SH3KBP1: variants seen among roughly 807,000 people sequenced by gnomAD.
SH3KBP1 encodes SH3 domain-containing kinase-binding protein 1.
Under a neutral mutation model 50.1 loss-of-function variants are expected in SH3KBP1, and 8 were observed. The observed-to-expected ratio is 0.16, with a 90% CI of 0.09 to 0.29. The LOEUF (loss-of-function observed/expected upper bound fraction) is 0.29, where lower values mean the gene tolerates loss of function less well. SH3KBP1 is among the 10% of genes least tolerant of loss of function. SH3KBP1 has a pLI of 1.00. For synonymous variants in SH3KBP1, 227 were observed against 218.6 expected (o/e 1.04, Z -0.34); for missense variants, 377 against 535.2 (o/e 0.70, Z 2.92).
intron 3 of SH3KBP1, among the ~76,000 whole-genome samples, chrX:19,740,299 G>A (rs893446768): frequency 1.8e-5 from 2 of 112,064 alleles, no homozygotes; most frequent in Admixed American, 1.9e-4. Context: ...CAGAGCTTTT[G>A]AGAATGAAGG....
chrX:19,850,039 A>G (rs1323252117), intron 1 of SH3KBP1, among the ~76,000 whole-genome samples: 1 of 112,155 alleles, frequency 8.9e-6, no homozygotes, highest in Non-Finnish European at 1.9e-5. Flanking sequence ...CTATTTCACA[A>G]ATGATTCAGC....
chrX:19,876,096 C>A (rs759817391), intron 1 of SH3KBP1, among the ~76,000 whole-genome samples: 1 of 112,382 alleles, frequency 8.9e-6, no homozygotes, highest in African/African-American at 3.2e-5. Flanking sequence ...TGGTGGCTCA[C>A]GCCTGTAATC....
chrX:19,602,025 TC>T (rs934593270), intron 9 of SH3KBP1, among the ~76,000 whole-genome samples: 1 of 110,749 alleles, frequency 9.0e-6, no homozygotes, highest in African/African-American at 3.3e-5. Context: ...ATTTGGTTTC[TC>T]CCTAAGATGC....
chrX:19,583,469 T>A (rs1036359157), intron 12 of SH3KBP1, among the ~76,000 whole-genome samples: 2 of 111,636 alleles, frequency 1.8e-5, no homozygotes, highest in African/African-American at 6.5e-5. Context: ...ATTGAATTTT[T>A]AAATCAATGC....
intron 7 of SH3KBP1, 64 bp downstream of exon 7, chrX:19,645,335 CA>C: frequency 1.1e-6 from 1 of 894,503 alleles, no homozygotes; most frequent in Non-Finnish European, 1.6e-6. Flanking sequence ...TTCTAAAAAA[CA>C]TTTCTGTTAT....
At chrX:19,679,149 C>A (rs1371524423) in intron 6 of SH3KBP1, among the ~76,000 whole-genome samples, 2 of 111,667 alleles carry the variant, frequency 1.8e-5, no homozygotes, top group Non-Finnish European at 3.8e-5. Context: ...AACAACTTAC[C>A]ACTTCCTGCC....
chrX:19,589,302 G>A (rs2066667786), intron 11 of SH3KBP1, among the ~76,000 whole-genome samples: 1 of 112,201 alleles, frequency 8.9e-6, no homozygotes, highest in African/African-American at 3.2e-5. Flanking sequence ...CTGGCATGGA[G>A]TCAGGGCTCA....
intron 1 of SH3KBP1, among the ~76,000 whole-genome samples, chrX:19,845,833 C>T (rs1339563080): frequency 9.0e-6 from 1 of 110,509 alleles, no homozygotes; most frequent in Non-Finnish European, 1.9e-5. Context: ...TGGTCTAGAA[C>T]TCCTGGCATC....
At chrX:19,776,511 T>C (rs7474109) in intron 2 of SH3KBP1, among the ~76,000 whole-genome samples, 1 of 100,736 alleles carries the variant, frequency 9.9e-6, no homozygotes, top group Non-Finnish European at 2.0e-5. Flanking sequence ...AAAAGAATTC[T>C]AAATCTAGCT....
chrX:19,699,599 A>C (rs1231753635), intron 4 of SH3KBP1, among the ~76,000 whole-genome samples: 3 of 112,499 alleles, frequency 2.7e-5, no homozygotes, highest in African/African-American at 9.7e-5. Context: ...AGCAGCTTAC[A>C]CCTGGTAGCG....
intron 5 of SH3KBP1, among the ~76,000 whole-genome samples, chrX:19,685,911 T>C (rs1452964054): frequency 9.0e-6 from 1 of 111,667 alleles, no homozygotes; most frequent in Non-Finnish European, 1.9e-5. Context: ...AAGTCTATTT[T>C]AGTTTTTCAA....
intron 6 of SH3KBP1, among the ~76,000 whole-genome samples, chrX:19,646,143 G>A (rs763513115): frequency 8.9e-6 from 1 of 111,816 alleles, no homozygotes; most frequent in South Asian, 3.7e-4. Flanking sequence ...AGCCTCCAAG[G>A]GCTTAGAAAA....
chrX:19,799,894 A>T, intron 2 of SH3KBP1: 1 of 867,853 alleles, frequency 1.2e-6, no homozygotes, highest in South Asian at 3.3e-5. Context: ...TTCTGTCGCA[A>T]ATCAAGTGAA....
intron 6 of SH3KBP1, among the ~76,000 whole-genome samples, chrX:19,650,911 A>G: frequency 8.9e-6 from 1 of 112,130 alleles, no homozygotes; most frequent in African/African-American, 3.2e-5. Context: ...TGGGATACAG[A>G]GAGCTACAGG....
chrX:19,549,798 G>A (rs935586234), intron 14 of SH3KBP1, among the ~76,000 whole-genome samples, 176 bp downstream of exon 14: 2 of 112,169 alleles, frequency 1.8e-5, no homozygotes, highest in African/African-American at 3.2e-5. Context: ...AAGAAATGCC[G>A]CTCAAGTCAA....
At chrX:19,748,613 C>G (rs1429044355) in intron 2 of SH3KBP1, among the ~76,000 whole-genome samples, 2 of 112,003 alleles carry the variant, frequency 1.8e-5, no homozygotes, top group Non-Finnish European at 3.8e-5. Flanking sequence ...TAAGTTGCTT[C>G]TTTAGGTGGA....
chrX:19,747,533 A>G (rs1434101937), intron 2 of SH3KBP1: 1 of 311,342 alleles, frequency 3.2e-6, no homozygotes, highest in Admixed American at 3.3e-5. Flanking sequence ...GAAGGAACAG[A>G]GATGCTAAAT....
chrX:19,887,391 G>A lies in SH3KBP1; in HGVS notation c.-81C>T. The A allele has an allele frequency of 9.6e-6, 8 of 829,348 alleles. No homozygotes were observed. The highest frequency in any genetic ancestry group is 1.1e-5 in the Non-Finnish European group (7 of 659,162). 68.3% of individuals were successfully genotyped at this position (829,348 alleles called of 1,213,427 possible). A position where few individuals can be genotyped will look rare whatever the true frequency, so the allele number is the denominator to read the frequency against. On this transcript the variant is annotated 5_prime_UTR_variant, in exon 1 of 18. Coordinates refer to ENST00000397821, the MANE Select transcript of SH3KBP1 (RefSeq NM_031892.3). ...GTGGGGGTTGGGGCGCCGGGATCGG[G>A]GCGCTGGGATCCAGGCGCGAGGGTC...
At chrX:19,639,739 A>G (rs1333551784) in intron 7 of SH3KBP1, among the ~76,000 whole-genome samples, 1 of 109,992 alleles carries the variant, frequency 9.1e-6, no homozygotes, top group Non-Finnish European at 1.9e-5. Flanking sequence ...AAAGGGGTGA[A>G]TATGAGACAT....
Sources: allele counts gnomAD v4.1 joint callset (sites outside exome capture counted in the v4.1 genomes callset), GRCh38; gene constraint gnomAD v4.1.1; transcripts MANE v1.5; gene names NCBI Gene and HGNC (gene_info 2026-07-23, HGNC 2026-07-21).